SYNPR: variants seen among roughly 807,000 people sequenced by gnomAD.
The protein encoded by SYNPR is synaptoporin.
Under a neutral mutation model 32.9 loss-of-function variants are expected in SYNPR, and 23 were observed. The observed-to-expected ratio is 0.70, with a 90% CI of 0.50 to 0.99. The LOEUF is 0.99. SYNPR is among the 50% of genes least tolerant of loss of function. The probability of loss-of-function intolerance (pLI) is 0.00; values close to 1 mark genes in which losing one functional copy is unlikely to be tolerated. For synonymous variants in SYNPR, 146 were observed against 135.9 expected (o/e 1.07, Z -0.52); for missense variants, 318 against 349.3 (o/e 0.91, Z 0.71).
At chr3:63,355,990 T>C (rs2087573019) in intron 2 of SYNPR, among the ~76,000 whole-genome samples, 1 of 152,334 alleles carries the variant, frequency 6.6e-6, no homozygotes, top group South Asian at 2.1e-4. Context: ...CCTGTGATCT[T>C]CTCTGCCCCT....
chr3:63,373,243 C>G (rs1447802572), intron 2 of SYNPR, among the ~76,000 whole-genome samples: 3 of 151,964 alleles, frequency 2.0e-5, no homozygotes, highest in Non-Finnish European at 4.4e-5. Flanking sequence ...GCTGAAATGA[C>G]AGAAATAGAA....
intron 2 of SYNPR, among the ~76,000 whole-genome samples, chr3:63,336,413 T>G (rs1575602144): frequency 6.6e-6 from 1 of 151,612 alleles, no homozygotes; most frequent in East Asian, 2.0e-4. Context: ...CGTGCACTAT[T>G]TTACAATCTA....
At chr3:63,336,473 A>G (rs1365878697) in intron 2 of SYNPR, among the ~76,000 whole-genome samples, 7 of 145,726 alleles carry the variant, frequency 4.8e-5, no homozygotes, top group Non-Finnish European at 7.5e-5. Context: ...TGGAGAAAAG[A>G]TAATCTTTTG....
At chr3:63,476,139 A>G (rs1469338733) in intron 2 of SYNPR, among the ~76,000 whole-genome samples, 6 of 32,506 alleles carry the variant, frequency 1.8e-4, no homozygotes, top group African/African-American at 5.6e-4. Context: ...GGAAGGAAGG[A>G]AGGAAGGAAG....
intron 3 of SYNPR, among the ~76,000 whole-genome samples, chr3:63,513,871 A>G (rs1041112561): frequency 2.0e-5 from 3 of 152,124 alleles, no homozygotes; most frequent in Admixed American, 2.0e-4. Context: ...ATGACAACTG[A>G]GGAGCCTTTG....
At chr3:63,604,952 T>C (rs1195626046) in intron 4 of SYNPR, among the ~76,000 whole-genome samples, 1 of 152,238 alleles carries the variant, frequency 6.6e-6, no homozygotes, top group Non-Finnish European at 1.5e-5. Context: ...TATATTCTTA[T>C]GTAATGTTAT....
chr3:63,321,373 T>A (rs936112972), intron 2 of SYNPR, among the ~76,000 whole-genome samples: 3 of 152,020 alleles, frequency 2.0e-5, no homozygotes, highest in African/African-American at 7.2e-5. Flanking sequence ...CTCTCTCTAT[T>A]CTTGCTCTGT....
chr3:63,414,603 A>G (rs1195196035), intron 2 of SYNPR, among the ~76,000 whole-genome samples: 1 of 152,210 alleles, frequency 6.6e-6, no homozygotes, highest in East Asian at 1.9e-4. Context: ...ACTAACAAAA[A>G]GATAGGGAAT....
chr3:63,208,536 T>A, the SYNPR span, among the ~76,000 whole-genome samples: 1 of 152,204 alleles, frequency 6.6e-6, no homozygotes, highest in African/African-American at 2.4e-5. Flanking sequence ...CTGGCATTTT[T>A]AAAAGTACTT....
chr3:63,573,280 G>A (rs1220873517), intron 4 of SYNPR, among the ~76,000 whole-genome samples: 3 of 152,160 alleles, frequency 2.0e-5, no homozygotes, highest in African/African-American at 7.2e-5. Context: ...GGACAACGCA[G>A]GTGAAGGGAC....
intron 2 of SYNPR, among the ~76,000 whole-genome samples, chr3:63,291,840 C>G (rs555703414): frequency 6.6e-6 from 1 of 152,154 alleles, no homozygotes; most frequent in South Asian, 2.1e-4. Flanking sequence ...CTCTCTCTCT[C>G]TCTCTCTCTC....
intron 4 of SYNPR, among the ~76,000 whole-genome samples, chr3:63,586,480 C>A (rs7620128): frequency 0.14 from 20,966 of 151,816 alleles, 1,666 homozygotes; most frequent in African/African-American, 0.21. Context: ...ATAAAAACAA[C>A]TTTTTAAAAA....
intron 2 of SYNPR, among the ~76,000 whole-genome samples, chr3:63,381,017 A>G (rs75421551): frequency 0.13 from 19,436 of 151,882 alleles, 2,066 homozygotes; most frequent in East Asian, 0.58. Context: ...CTCTCTCACC[A>G]CTCCTATTCA....
At chr3:63,585,429 G>A (rs1703166158) in intron 4 of SYNPR, among the ~76,000 whole-genome samples, 1 of 141,472 alleles carries the variant, frequency 7.1e-6, no homozygotes, top group Admixed American at 7.6e-5. Flanking sequence ...TCAGTCACAT[G>A]TTTCCTTCTG....
chr3:63,266,771 C>T (rs1351603536), intron 2 of SYNPR, among the ~76,000 whole-genome samples: 1 of 151,468 alleles, frequency 6.6e-6, no homozygotes, highest in African/African-American at 2.4e-5. Flanking sequence ...GCATGTGTCT[C>T]ACTTGTCAAC....
At position 63,615,504 on chromosome 3, in the gene SYNPR, T is replaced by A. The variant is rs776939803; in HGVS notation, c.*23T>A. On this transcript the variant is annotated 3_prime_UTR_variant, in exon 6 of 6. Coordinates refer to ENST00000478300, the MANE Select transcript of SYNPR (RefSeq NM_001130003.2). The stretch of plus-strand genomic sequence containing the variant: ...TAACAGAGTAGCATTTGCATTCTTC[T>A]GCAGTCGCCTCACCATCTTCCATTT... 6.3e-7 allele frequency: 1 copy of A among 1,598,856 alleles called. No homozygotes were observed.
chr3:63,585,742 T>C (rs902524768), intron 4 of SYNPR, among the ~76,000 whole-genome samples: 3 of 152,120 alleles, frequency 2.0e-5, no homozygotes, highest in Non-Finnish European at 2.9e-5. Context: ...TTGTGCAAGA[T>C]ATCGTCCCAG....
At chr3:63,409,474 G>C (rs992105618) in intron 2 of SYNPR, among the ~76,000 whole-genome samples, 1 of 152,036 alleles carries the variant, frequency 6.6e-6, no homozygotes, top group East Asian at 1.9e-4. Flanking sequence ...GTTTCAGCAG[G>C]TTAATTCCTA....
intron 4 of SYNPR, among the ~76,000 whole-genome samples, chr3:63,592,396 A>T (rs973557493): frequency 6.6e-6 from 1 of 152,128 alleles, no homozygotes; most frequent in Admixed American, 6.6e-5. Flanking sequence ...GAATAAAATT[A>T]GATCATATCA....
Sources: gnomAD v4.1 joint callset for allele counts (sites outside exome capture counted in the v4.1 genomes callset) on GRCh38, gnomAD v4.1.1 for gene constraint, MANE v1.5 for transcripts, NCBI Gene and HGNC (gene_info 2026-07-23, HGNC 2026-07-21) for gene names.